The following SYNE1 variants were observed in gnomAD, a reference collection of about 807,000 sequenced individuals.
SYNE1 encodes the protein spectrin repeat containing nuclear envelope protein 1, also known as nesprin-1.
SYNE1 carries 616 observed loss-of-function variants against 1,111.0 expected under a neutral mutation model. That is an observed-to-expected ratio of 0.55 (90% CI 0.52 to 0.59). The LOEUF is 0.59. Ranked by LOEUF, SYNE1 falls within the 20% of genes least tolerant of loss-of-function variation. The probability of loss-of-function intolerance (pLI) is 0.00; values close to 1 mark genes in which losing one functional copy is unlikely to be tolerated. For synonymous variants in SYNE1, 3,855 were observed against 3,825.8 expected (o/e 1.01, Z -0.28); for missense variants, 10,006 against 10,417.0 (o/e 0.96, Z 1.72).
intron 76 of SYNE1, 40 bp from the exon 77 acceptor site, chr6:152,334,313 G>C: frequency 1.9e-6 from 3 of 1,606,906 alleles, no homozygotes; most frequent in Admixed American, 1.7e-5. Flanking sequence ...AATGTGTTAA[G>C]AAATGCCCAA....
chr6:152,224,921 A>C (rs930637237), intron 116 of SYNE1, among the ~76,000 whole-genome samples: 179 of 147,308 alleles, frequency 1.2e-3, no homozygotes, highest in African/African-American at 4.3e-3. Context: ...ATATATGTAT[A>C]TATATACATA....
In SYNE1 at chr6:152,442,195, G is replaced by A. The variant is rs2098537707; in HGVS notation, c.3888C>T (p.Ile1296=). ...SAKKRDVQQQ[I]AQAQQGEGGL... ...CCCCTTCTCCCTGCTGCGCCTGCGC[G>A]ATCTGCTGCTGCACATCTCTCTTCT... The change falls in exon 31 of 146, where the codon ATC becomes ATT. Residue 1296 remains isoleucine (I), a synonymous_variant. Transcript: ENST00000367255. The A allele has an allele frequency of 3.1e-6, 5 of 1,613,608 alleles. No individual in the cohort carries two copies. The highest frequency in any genetic ancestry group is 4.2e-6 in the Non-Finnish European group (5 of 1,180,040).
chr6:152,605,005 A>AG, intron 3 of SYNE1, among the ~76,000 whole-genome samples: 9 of 25,568 alleles, frequency 3.5e-4, no homozygotes, highest in African/African-American at 5.8e-4. Flanking sequence ...AGAAAGAAAG[A>AG]AAGAGAGAGA....
At chr6:152,607,075 C>T (rs1372132825) in intron 3 of SYNE1, among the ~76,000 whole-genome samples, 1 of 149,582 alleles carries the variant, frequency 6.7e-6, no homozygotes, top group African/African-American at 2.5e-5. Context: ...AGCTCCACCT[C>T]CCGGGTTCAC....
At chr6:152,200,117 CATA>C (rs1242982755) in intron 127 of SYNE1, among the ~76,000 whole-genome samples, 1 of 152,198 alleles carries the variant, frequency 6.6e-6, no homozygotes, top group African/African-American at 2.4e-5. Context: ...AACAAAAGTA[CATA>C]ATAACACCAC....
chr6:152,404,201 C>T lies in SYNE1; in HGVS notation c.6825+12G>A, dbSNP rs757232345. On this transcript the variant is annotated intron_variant, in intron 46 of 145. Transcript: ENST00000367255. ...ATGGATGGAAGTCTAGTAGTTATTACAAAATGCTTACCTGAAGGTCTGGCG... is the reference window on the plus strand; with the variant it reads ...ATGGATGGAAGTCTAGTAGTTATTATAAAATGCTTACCTGAAGGTCTGGCG... 6.2e-7 allele frequency: 1 copy of T among 1,605,090 alleles called. No homozygotes were observed. The highest frequency in any genetic ancestry group is 1.3e-5 in the African/African-American group (1 of 74,612).
chr6:152,595,505 C>A (rs2099578516), intron 3 of SYNE1, among the ~76,000 whole-genome samples: 1 of 152,174 alleles, frequency 6.6e-6, no homozygotes, highest in Non-Finnish European at 1.5e-5. Context: ...TGCTGACACC[C>A]CTATCTCAAG....
intron 3 of SYNE1, among the ~76,000 whole-genome samples, chr6:152,567,451 G>A (rs893234857): frequency 1.3e-5 from 2 of 152,144 alleles, no homozygotes; most frequent in African/African-American, 4.8e-5. Flanking sequence ...ATCGTAATTA[G>A]CCTATAGTGA....
At chr6:152,405,872 G>C (rs534013988) in intron 45 of SYNE1, among the ~76,000 whole-genome samples, 5 of 152,074 alleles carry the variant, frequency 3.3e-5, no homozygotes, top group Admixed American at 3.3e-4. Flanking sequence ...AAATAAGTTA[G>C]GTAATGCAAT....
In SYNE1 at chr6:152,148,237, C is replaced by G. The variant is rs886043013; in HGVS notation, c.24784G>C (p.Ala8262Pro). The G allele has an allele frequency of 5.0e-6, 8 of 1,613,634 alleles. No individual in the cohort carries two copies. The highest frequency in any genetic ancestry group is 6.8e-6 in the Non-Finnish European group (8 of 1,179,830). The stretch of plus-strand genomic sequence containing the variant: ...GACCGCTCGCTCCGGAGGGGCTGAG[C>G]GAGCGAGAGGGAGAGATTGGAGGAA... ...QPSSNLSLSL[A>P]QPLRSERSGR... Residue 8262 changes from alanine (A) to proline (P), a missense_variant, in exon 137 of 146, where the codon GCT becomes CCT. Transcript: ENST00000367255. The surrounding 1 kb of genome is among the most constrained non-coding windows in gnomAD (Gnocchi z 4.1).
intron 95 of SYNE1, among the ~76,000 whole-genome samples, chr6:152,286,631 C>T (rs541679787): frequency 1.3e-5 from 2 of 152,230 alleles, no homozygotes; most frequent in African/African-American, 2.4e-5. Flanking sequence ...AAATCTTTTG[C>T]CCATTTTCCA....
At chr6:152,259,709 T>C (rs1407904458) in intron 101 of SYNE1, among the ~76,000 whole-genome samples, 1 of 152,086 alleles carries the variant, frequency 6.6e-6, no homozygotes, top group Non-Finnish European at 1.5e-5. Flanking sequence ...ATGTGCTCAT[T>C]ATATGATCAC....
At chr6:152,570,804 T>G (rs1408415591) in intron 3 of SYNE1, among the ~76,000 whole-genome samples, 2 of 152,198 alleles carry the variant, frequency 1.3e-5, no homozygotes, top group Non-Finnish European at 2.9e-5. Flanking sequence ...GAAGTCTTTC[T>G]TTTGTAGTGT....
intron 3 of SYNE1, among the ~76,000 whole-genome samples, chr6:152,616,117 C>G (rs2099645928): frequency 1.3e-5 from 2 of 152,074 alleles, no homozygotes; most frequent in South Asian, 4.2e-4. Context: ...ATGATCTTTC[C>G]TTGTAAAGAA....
chr6:152,416,374 GT>G lies in SYNE1; in HGVS notation c.6050+12del, dbSNP rs1563853142. ...AGAAAAGAGACAAGTGGCCGTGACA[GT>G]TTCCTATTTACCTCTGCTGAAGAGC... On this transcript the variant is annotated intron_variant, in intron 41 of 145. Coordinates refer to ENST00000367255, the MANE Select transcript of SYNE1 (RefSeq NM_182961.4). The G allele has an allele frequency of 6.2e-7, 1 of 1,613,582 alleles. No homozygotes were observed.
intron 130 of SYNE1, among the ~76,000 whole-genome samples, chr6:152,174,272 T>C (rs2065872118): frequency 6.6e-6 from 1 of 152,230 alleles, no homozygotes; most frequent in Admixed American, 6.5e-5. Context: ...AGGACTTCAA[T>C]TCCTCCTTCT....
At chr6:152,377,952 T>A (rs1436227733) in intron 56 of SYNE1, among the ~76,000 whole-genome samples, 1 of 152,048 alleles carries the variant, frequency 6.6e-6, no homozygotes, top group Non-Finnish European at 1.5e-5. Context: ...GCTACATTAC[T>A]GTGTACACCC....
rs546895602 is a variant in SYNE1, at chr6:152,458,169, C to T, written c.2568+588G>A. Among the ~76,000 whole-genome samples, 27 of 152,122 alleles carry T rather than the reference C, an allele frequency of 1.8e-4. 1 individual carries two copies. The highest frequency in any genetic ancestry group is 6.5e-4 in the African/African-American group (27 of 41,484). ...AGGATAGACTATATGTGGTCTATTGCTAGTAGGCAGGAACTCTAAGAAAAG... is the reference window on the plus strand; with the variant it reads ...AGGATAGACTATATGTGGTCTATTGTTAGTAGGCAGGAACTCTAAGAAAAG... On this transcript the variant is annotated intron_variant, in intron 22 of 145. Transcript: ENST00000367255.
In SYNE1 at chr6:152,144,522, T is replaced by G. The variant is rs1181573879; in HGVS notation, c.24977-757A>C. The G allele has an allele frequency of 1.3e-5, 2 of 152,464 alleles. 1 individual carries two copies. The highest frequency in any genetic ancestry group is 1.3e-4 in the Admixed American group (2 of 15,274). The allele number at this position is 152,464 out of a possible 1,614,324, so 9.4% of individuals were successfully genotyped here. On this transcript the variant is annotated intron_variant, in intron 137 of 145. Transcript: ENST00000367255. The stretch of plus-strand genomic sequence containing the variant: ...TGTGTGTGTGTCAAAGTCTTCGAAC[T>G]ACACAGGAACATTTGATCATCAGTG...
Sources: allele counts gnomAD v4.1 joint callset (sites outside exome capture counted in the v4.1 genomes callset), GRCh38; gene constraint gnomAD v4.1.1; non-coding constraint Gnocchi (gnomAD v3.1); transcripts MANE v1.5; gene names NCBI Gene and HGNC (gene_info 2026-07-23, HGNC 2026-07-21).